CTU2: variants seen among roughly 807,000 people sequenced by gnomAD.
CTU2 encodes cytoplasmic tRNA 2-thiolation protein 2.
In CTU2, 80 loss-of-function variants were observed where a neutral mutation model predicts 64.1. The observed-to-expected ratio is 1.25, with a 90% confidence interval of 1.04 to 1.50. CTU2 has a LOEUF of 1.50. Among genes scored for constraint, CTU2 ranks in the 40% most tolerant of loss-of-function variants. The pLI, the probability that CTU2 is intolerant of heterozygous loss-of-function variation, is 0.00. For missense variants in CTU2, 1,110 were observed against 690.2 expected (o/e 1.61, Z -6.81); for synonymous variants, 482 against 285.3 (o/e 1.69, Z -6.95).
Position 88,713,351 on chromosome 16 carries a change from C to T in CTU2, c.777C>T (p.Tyr259=), listed in dbSNP as rs1362409434. The change falls in exon 8 of 15, where the codon TAC becomes TAT. Residue 259 remains tyrosine (Y), a synonymous_variant. Coordinates refer to ENST00000453996, the MANE Select transcript of CTU2 (RefSeq NM_001012759.3). The part of the protein sequence containing the change: ...LILHMARAHG[Y]SKVMTGDSCT... Reference sequence around the variant, plus strand: ...TCCACATGGCCCGAGCCCACGGCTACTCCAAGGTCATGACTGGGGACAGCT... The same window carrying T: ...TCCACATGGCCCGAGCCCACGGCTATTCCAAGGTCATGACTGGGGACAGCT... 2.5e-6 allele frequency: 4 copies of T among 1,602,256 alleles called. No individual in the cohort carries two copies. Among genetic ancestry groups the T allele is most frequent in the Non-Finnish European group, 3.4e-6 (4 of 1,175,402 alleles).
At position 88,715,255 on chromosome 16, in the gene CTU2, T is replaced by G; in HGVS notation, c.*4T>G. The G allele has an allele frequency of 1.2e-6, 2 of 1,610,866 alleles. No homozygotes were observed. Among genetic ancestry groups the G allele is most frequent in the Non-Finnish European group, 1.7e-6 (2 of 1,179,734 alleles). On this transcript the variant is annotated 3_prime_UTR_variant, in exon 15 of 15. Transcript: ENST00000453996. ...CGACGAGGCGGGCCAGAGCTGAGCG[T>G]GAGGACGTGCTTGCCGGGACAGCAG... is the stretch of plus-strand genomic sequence containing the variant.
rs1229684632 is a variant in CTU2 at position 88,713,365 on chromosome 16, C to A, written c.791C>A (p.Thr264Asn). 4 of 1,604,848 alleles carry A rather than the reference C, an allele frequency of 2.5e-6. No homozygotes were observed. The highest frequency in any genetic ancestry group is 1.7e-5 in the Admixed American group (1 of 58,982). ...GCCCACGGCTACTCCAAGGTCATGA[C>A]TGGGGACAGCTGCACACGCTTGGCT... ...ARAHGYSKVM[T>N]GDSCTRLAIK... Residue 264 changes from threonine to asparagine, a missense_variant, in exon 8 of 15, where the codon ACT (threonine) becomes AAT (asparagine). Coordinates refer to ENST00000453996, the MANE Select transcript of CTU2 (RefSeq NM_001012759.3).
intron 2 of CTU2, among the ~76,000 whole-genome samples, chr16:88,708,039 C>T (rs1911032495): frequency 6.6e-6 from 1 of 152,154 alleles, no homozygotes; most frequent in Admixed American, 6.5e-5. Flanking sequence ...GTTTCGAACT[C>T]CTGACCTCAA....
At position 88,715,114 on chromosome 16, in the gene CTU2, G is replaced by A. The variant is rs1456744490; in HGVS notation, c.1478+8G>A. The A allele has an allele frequency of 6.3e-7, 1 of 1,595,024 alleles. No individual in the cohort carries two copies. Among genetic ancestry groups the A allele is most frequent in the Admixed American group, 1.7e-5 (1 of 58,494 alleles). Reference sequence around the variant, plus strand: ...CCAGCTCCGCACACAGAGGTACTGGGGCCCACACTGCCGTGGCGCGTGGGT... The same window carrying A: ...CCAGCTCCGCACACAGAGGTACTGGAGCCCACACTGCCGTGGCGCGTGGGT... On this transcript the variant is annotated splice_region_variant and intron_variant, in intron 14 of 14. Transcript: ENST00000453996.
chr16:88,714,655 A>T lies in CTU2; in HGVS notation c.1270A>T (p.Thr424Ser). 4.3e-6 allele frequency: 7 copies of T among 1,612,338 alleles called. No homozygotes were observed. The South Asian group carries it at 7.7e-5, about 18-fold the overall frequency. Residue 424 changes from threonine to serine, a missense_variant, in exon 12 of 15, where the codon ACT becomes TCT. Thr to Ser is a moderately conservative substitution (Grantham distance 58). Coordinates refer to ENST00000453996, the MANE Select transcript of CTU2 (RefSeq NM_001012759.3). ...CCAGATGCAGTCACCCATCCCCCTG[A>T]CTGAGACCCGGACACCCCCGGGGCC... ...LSQMQSPIPL[T>S]ETRTPPGPCC...
chr16:88,712,548 C>T (rs932324928), intron 6 of CTU2, 74 bp from the exon 7 acceptor site: 249 of 1,552,940 alleles, frequency 1.6e-4, no homozygotes, highest in Admixed American at 2.0e-4. Flanking sequence ...TCCCGCATCC[C>T]GGAAGGTGGG....
chr16:88,709,870 C>T (rs1016108628), intron 2 of CTU2, 68 bp from the exon 3 acceptor site: 9 of 1,315,520 alleles, frequency 6.8e-6, no homozygotes, highest in South Asian at 3.6e-5. Flanking sequence ...CGTCACCTGG[C>T]AGCGCCTCAG....
intron 5 of CTU2, chr16:88,711,970 C>T (rs1314635995): frequency 1.6e-6 from 1 of 607,210 alleles, no homozygotes; most frequent in East Asian, 2.7e-5. Context: ...GCCCAGCCCC[C>T]ATCACGGGGT....
chr16:88,713,770 G>T lies in CTU2; in HGVS notation c.997G>T (p.Asp333Tyr), dbSNP rs780495568. The change falls in exon 9 of 15, where the codon GAC (aspartate) becomes TAC (tyrosine). Residue 333 changes from aspartate to tyrosine, a missense_variant. Transcript: ENST00000453996. ...SVPSVFTPAVDTKAPEKASIH... is the reference protein window; with the variant it reads ...SVPSVFTPAVYTKAPEKASIH... ...TCCTTCTGTCTTCACACCAGCCGTC[G>T]ACACCAAGGTGGGCCTTGTGGGCTG... 1 of 1,612,548 alleles carries T rather than the reference G, an allele frequency of 6.2e-7. No individual in the cohort carries two copies. The highest frequency in any genetic ancestry group is 8.5e-7 in the Non-Finnish European group (1 of 1,179,836).
intron 10 of CTU2, 70 bp downstream of exon 10, chr16:88,714,297 G>A (rs1911679893): frequency 2.5e-6 from 4 of 1,594,950 alleles, no homozygotes; most frequent in Non-Finnish European, 3.4e-6. Flanking sequence ...TGCGGGTGGT[G>A]AGCTCACCAC....
intron 2 of CTU2, among the ~76,000 whole-genome samples, chr16:88,707,644 C>T (rs1234378444): frequency 2.6e-5 from 4 of 152,114 alleles, no homozygotes; most frequent in African/African-American, 4.8e-5. Flanking sequence ...GCTTGGAAGA[C>T]CTCTAGCTTT....
Position 88,714,580 on chromosome 16 carries a change from C to A in CTU2, c.1202-7C>A. On this transcript the variant is annotated splice_region_variant and splice_polypyrimidine_tract_variant and intron_variant, in intron 11 of 14. Coordinates refer to ENST00000453996, the MANE Select transcript of CTU2 (RefSeq NM_001012759.3). ...CCCAGGCTCCGTCACCCCCTCTCTG[C>A]TTGCAGACAGTGCCACGGCTTTTGG... 1 of 1,612,678 alleles carries A rather than the reference C, an allele frequency of 6.2e-7. No homozygotes were observed. Among genetic ancestry groups the A allele is most frequent in the South Asian group, 1.1e-5 (1 of 91,090 alleles).
chr16:88,714,128 G>T lies in CTU2; in HGVS notation c.1006-8G>T. ...CTTTCCCATAGCCTCCAATCTGATT[G>T]TCCCTAGGCCCCTGAAAAGGCCAGC... is the stretch of plus-strand genomic sequence containing the variant. On this transcript the variant is annotated splice_polypyrimidine_tract_variant and splice_region_variant and intron_variant, in intron 9 of 14. Coordinates refer to ENST00000453996, the MANE Select transcript of CTU2 (RefSeq NM_001012759.3). 5 of 1,612,328 alleles carry T rather than the reference G, an allele frequency of 3.1e-6. No individual in the cohort carries two copies. Among genetic ancestry groups the T allele is most frequent in the Non-Finnish European group, 4.2e-6 (5 of 1,179,638 alleles).
At chr16:88,714,012 C>G in intron 9 of CTU2, 124 bp from the exon 10 acceptor site, 1 of 1,101,228 alleles carries the variant, frequency 9.1e-7, no homozygotes, top group South Asian at 1.4e-5. Context: ...CTTGAGCAGT[C>G]GCAGCAAAGC....
Position 88,712,739 on chromosome 16 carries a change from G to C in CTU2, c.571G>C (p.Gly191Arg), listed in dbSNP as rs374137025. 5 of 1,608,424 alleles carry C rather than the reference G, an allele frequency of 3.1e-6. No individual in the cohort carries two copies. Among genetic ancestry groups the C allele is most frequent in the Non-Finnish European group, 4.2e-6 (5 of 1,178,338 alleles). ...CCAGCAGCAGCATGTGCTGGGGGCC[G>C]GGGGTGGTCCTGGCCCGACTCAAGG... Reference protein sequence around the residue: ...FLQQQHVLGAGGGPGPTQGEE... With the variant: ...FLQQQHVLGARGGPGPTQGEE... The change falls in exon 7 of 15, where the codon GGG becomes CGG. Residue 191 changes from glycine (G) to arginine (R), a missense_variant. Physicochemically the swap from Gly to Arg is moderately radical, Grantham distance 125. Coordinates refer to ENST00000453996, the MANE Select transcript of CTU2 (RefSeq NM_001012759.3).
chr16:88,714,782 G>C, intron 12 of CTU2, 45 bp downstream of exon 12: 1 of 1,607,646 alleles, frequency 6.2e-7, no homozygotes, highest in Non-Finnish European at 8.5e-7. Flanking sequence ...CATGGGGCGG[G>C]AGGGGGACCT....
Position 88,715,366 on chromosome 16 carries a change from A to G in CTU2, c.*115A>G. On this transcript the variant is annotated 3_prime_UTR_variant, in exon 15 of 15. Transcript: ENST00000453996. The stretch of plus-strand genomic sequence containing the variant: ...GATTGTCCATTTGTATAAATAAAAC[A>G]TTTTTTAATTAAAAAAAAAACTCTA... 8.3e-7 allele frequency: 1 copy of G among 1,208,246 alleles called. No individual in the cohort carries two copies. The highest frequency in any genetic ancestry group is 1.5e-5 in the South Asian group (1 of 68,340). 74.8% of individuals were successfully genotyped at this position (1,208,246 alleles called of 1,614,324 possible).
intron 9 of CTU2, 83 bp from the exon 10 acceptor site, chr16:88,714,053 C>CA: frequency 7.3e-7 from 1 of 1,373,376 alleles, no homozygotes; most frequent in Non-Finnish European, 1.0e-6. Context: ...GCGTGGAACC[C>CA]ACGGCACCTG....
chr16:88,713,650 T>C lies in CTU2; in HGVS notation c.877T>C (p.Phe293Leu), dbSNP rs1242143120. The change falls in exon 9 of 15, where the codon TTC becomes CTC. Residue 293 changes from phenylalanine to leucine, a missense_variant. Coordinates refer to ENST00000453996, the MANE Select transcript of CTU2 (RefSeq NM_001012759.3). The stretch of plus-strand genomic sequence containing the variant: ...ACACAGCCCCTGCCTCCCGCAGGGC[T>C]TCTCGGATGAGCGGCACGGGGACGT... The part of the protein sequence containing the change: ...RGAFLAWDTG[F>L]SDERHGDVVV... 1.2e-6 allele frequency: 2 copies of C among 1,612,014 alleles called. No homozygotes were observed. Among genetic ancestry groups the C allele is most frequent in the Admixed American group, 3.3e-5 (2 of 59,964 alleles).
Sources: gnomAD v4.1 joint callset for allele counts (sites outside exome capture counted in the v4.1 genomes callset) on GRCh38, gnomAD v4.1.1 for gene constraint, MANE v1.5 for transcripts, NCBI Gene and HGNC (gene_info 2026-07-23, HGNC 2026-07-21) for gene names.